Variants in GRM1 observed in about 807,000 individuals in gnomAD.
GRM1 encodes glutamate metabotropic receptor 1, also known as metabotropic glutamate receptor 1.
A neutral mutation model predicts 90.9 loss-of-function variants in GRM1; 33 were observed. That is an observed-to-expected ratio of 0.36 (90% CI 0.28 to 0.49). The LOEUF is 0.49. GRM1 is among the 20% of genes least tolerant of loss of function. The pLI is 0.99. For missense variants in GRM1, 1,190 were observed against 1,534.3 expected, an observed-to-expected ratio of 0.78 and a Z score of 3.75; for synonymous variants, 700 against 613.2, an observed-to-expected ratio of 1.14 and a Z score of -2.09.
chr6:146,403,575 G>A (rs1037048834), intron 7 of GRM1, among the ~76,000 whole-genome samples: 2 of 151,936 alleles, frequency 1.3e-5, no homozygotes, highest in Admixed American at 1.3e-4. Flanking sequence ...ATGGAATGAT[G>A]CTCAGAGGAA....
chr6:146,231,359 C>T (rs774550363), intron 2 of GRM1, among the ~76,000 whole-genome samples: 7 of 152,068 alleles, frequency 4.6e-5, no homozygotes, highest in Non-Finnish European at 7.4e-5. Flanking sequence ...TTAAGGGCAA[C>T]ACTTTAAATG....
At position 146,116,557 on chromosome 6, in the gene GRM1, A is replaced by G. The variant is rs17075683; in HGVS notation, c.701-42791A>G. ...GTGTTTTTCATAAGAGATAAAATCC[A>G]CAGTGAATTGAGTGTGTATGTGTGT... On this transcript the variant is annotated intron_variant, in intron 1 of 7. Coordinates refer to ENST00000282753, the MANE Select transcript of GRM1 (RefSeq NM_001278064.2). Among the ~76,000 whole-genome samples the G allele has an allele frequency of 3.9e-3, 596 of 152,278 alleles. 16 individuals carry two copies. In the East Asian group the frequency reaches 0.068, roughly 17 times the overall value.
chr6:146,288,956 T>C (rs1241973214), intron 2 of GRM1, among the ~76,000 whole-genome samples: 1 of 152,206 alleles, frequency 6.6e-6, no homozygotes, highest in East Asian at 1.9e-4. Flanking sequence ...GATCCCAGTA[T>C]AAACAAACCT....
At chr6:146,328,122 T>G (rs1008094387) in intron 3 of GRM1, among the ~76,000 whole-genome samples, 6 of 152,208 alleles carry the variant, frequency 3.9e-5, no homozygotes, top group Non-Finnish European at 8.8e-5. Flanking sequence ...TGCCAAAAGT[T>G]TGAAGCTACC....
intron 2 of GRM1, among the ~76,000 whole-genome samples, chr6:146,178,984 A>G (rs1486422623): frequency 1.3e-5 from 2 of 152,182 alleles, no homozygotes; most frequent in Non-Finnish European, 2.9e-5. Context: ...AATCGATTTT[A>G]ATGCCTTGGA....
chr6:146,270,954 T>TGCC (rs1562571388), intron 2 of GRM1, among the ~76,000 whole-genome samples: 3 of 109,768 alleles, frequency 2.7e-5, no homozygotes, highest in African/African-American at 1.4e-4. Context: ...CCTTCCTTCC[T>TGCC]TTCTTTCTTT....
intron 2 of GRM1, among the ~76,000 whole-genome samples, chr6:146,236,861 C>T (rs1780664551): frequency 6.6e-6 from 1 of 152,104 alleles, no homozygotes; most frequent in Non-Finnish European, 1.5e-5. Context: ...GATTTTCACC[C>T]TGCCCCCAGT....
chr6:146,301,113 A>G (rs1257923476), intron 2 of GRM1, among the ~76,000 whole-genome samples: 2 of 152,194 alleles, frequency 1.3e-5, no homozygotes, highest in African/African-American at 4.8e-5. Context: ...AAGATCTCAT[A>G]CAAACCTTTA....
intron 2 of GRM1, among the ~76,000 whole-genome samples, chr6:146,270,161 C>T (rs969056731): frequency 2.0e-5 from 3 of 151,970 alleles, no homozygotes; most frequent in Non-Finnish European, 2.9e-5. Context: ...GTGCATATTT[C>T]CAAGAACTCC....
At chr6:146,308,657 G>A (rs769814293) in intron 3 of GRM1, among the ~76,000 whole-genome samples, 7 of 152,002 alleles carry the variant, frequency 4.6e-5, no homozygotes, top group South Asian at 2.1e-4. Flanking sequence ...AAAGTAATAC[G>A]TGCTTAATAT....
Position 146,159,536 on chromosome 6 carries a change from C to A in GRM1, c.889C>A (p.Arg297=), listed in dbSNP as rs774214806. 8 of 1,613,392 alleles carry A rather than the reference C, an allele frequency of 5.0e-6. No individual in the cohort carries two copies. In the South Asian group the frequency reaches 5.5e-5, roughly 11 times the overall value. Reference sequence around the variant, plus strand: ...CTGCTTCTGTGAAGGCATGACAGTGCGAGGACTCCTGAGCGCCATGCGGCG... The same window carrying A: ...CTGCTTCTGTGAAGGCATGACAGTGAGAGGACTCCTGAGCGCCATGCGGCG... ...VVCFCEGMTV[R]GLLSAMRRLG... Residue 297 remains arginine, a synonymous_variant, in exon 2 of 8, where the codon CGA becomes AGA. Transcript: ENST00000282753.
intron 1 of GRM1, among the ~76,000 whole-genome samples, chr6:146,050,840 T>C (rs1791498472): frequency 6.6e-6 from 1 of 152,068 alleles, no homozygotes; most frequent in Non-Finnish European, 1.5e-5. Context: ...GGAATTCCGG[T>C]ATTAGGCTCA....
chr6:146,408,135 C>T (rs1368494524), intron 7 of GRM1, among the ~76,000 whole-genome samples: 1 of 152,054 alleles, frequency 6.6e-6, no homozygotes, highest in African/African-American at 2.4e-5. Context: ...TCATTGTATC[C>T]TCACATGATA....
intron 3 of GRM1, among the ~76,000 whole-genome samples, chr6:146,336,889 T>G (rs1304655851): frequency 6.6e-6 from 1 of 152,244 alleles, no homozygotes; most frequent in East Asian, 1.9e-4. Flanking sequence ...TAAAGAGTGA[T>G]GTCCTGCCCT....
intron 6 of GRM1, among the ~76,000 whole-genome samples, chr6:146,395,502 T>C (rs1254611589): frequency 1.3e-5 from 2 of 152,152 alleles, no homozygotes; most frequent in Admixed American, 1.3e-4. Flanking sequence ...TGGGTTACTT[T>C]AATCTTCTCT....
At chr6:146,349,653 T>C (rs1330753549) in intron 3 of GRM1, among the ~76,000 whole-genome samples, 1 of 152,188 alleles carries the variant, frequency 6.6e-6, no homozygotes, top group Non-Finnish European at 1.5e-5. Context: ...TCTATAGCCT[T>C]TTACAAGAAT....
intron 2 of GRM1, among the ~76,000 whole-genome samples, chr6:146,206,116 C>A (rs550721761): frequency 6.6e-6 from 1 of 152,196 alleles, no homozygotes. Flanking sequence ...CCTAGGAAAG[C>A]TAATCAGGAC....
chr6:146,396,783 A>G (rs1454039879), intron 6 of GRM1, among the ~76,000 whole-genome samples: 1 of 152,236 alleles, frequency 6.6e-6, no homozygotes, highest in Admixed American at 6.5e-5. Context: ...TGAACTATTT[A>G]TTGACATAAT....
rs535746688 is a variant in GRM1, at chr6:146,329,590, C to A, written c.1187-22660C>A. On this transcript the variant is annotated intron_variant, in intron 3 of 7. Transcript: ENST00000282753. ...ACCAAAATCAAACCTTGTTACATTT[C>A]TAAACATAACTTTGTGTGATTTCCT... 2.0e-5 allele frequency among the ~76,000 whole-genome samples: 3 copies of A among 152,284 alleles called. No homozygotes were observed. The South Asian group carries it at 6.2e-4, about 32-fold the overall frequency.
Sources: gnomAD v4.1 joint callset for allele counts (sites outside exome capture counted in the v4.1 genomes callset) on GRCh38, gnomAD v4.1.1 for gene constraint, MANE v1.5 for transcripts, NCBI Gene and HGNC (gene_info 2026-07-23, HGNC 2026-07-21) for gene names.